Variants in CDH18 observed in about 807,000 individuals in gnomAD.
The protein encoded by CDH18 is cadherin 18, also known as cadherin-18.
Under a neutral mutation model 67.9 loss-of-function variants are expected in CDH18, and 31 were observed. That is an observed-to-expected ratio of 0.46 (90% confidence interval 0.34 to 0.62). The LOEUF is 0.62. CDH18 is among the 20% of genes least tolerant of loss of function. The pLI is 0.01. For synonymous variants in CDH18, 362 were observed against 347.2 expected, an observed-to-expected ratio of 1.04 and a Z score of -0.48; for missense variants, 890 against 975.5, an observed-to-expected ratio of 0.91 and a Z score of 1.17.
chr5:19,560,356 A>C (rs1739235935), intron 8 of CDH18, among the ~76,000 whole-genome samples: 1 of 152,016 alleles, frequency 6.6e-6, no homozygotes, highest in Non-Finnish European at 1.5e-5. Context: ...CCAGAAATAA[A>C]GCCAAATACA....
At chr5:20,548,125 A>G (rs1207765265) in intron 1 of CDH18, among the ~76,000 whole-genome samples, 3 of 151,158 alleles carry the variant, frequency 2.0e-5, no homozygotes, top group Admixed American at 6.6e-5. Flanking sequence ...CCAACTAATG[A>G]TCTATATTAC....
chr5:20,283,891 T>C lies in CDH18; in HGVS notation c.-579-28386A>G, dbSNP rs182843793. On this transcript the variant is annotated intron_variant, in intron 1 of 14. Coordinates refer to the CDH18 transcript ENST00000507958. ...ATAAATCAAGAAAATGTGGTACATA[T>C]ACACAGTGGGGCACTATTTAGCCAT... Among the ~76,000 whole-genome samples the C allele has an allele frequency of 1.8e-4, 27 of 152,186 alleles. 1 individual carries two copies. The East Asian group carries it at 3.5e-3, about 20-fold the overall frequency.
chr5:20,367,698 T>C (rs1017840800), intron 1 of CDH18, among the ~76,000 whole-genome samples: 1 of 152,346 alleles, frequency 6.6e-6, no homozygotes, highest in African/African-American at 2.4e-5. Context: ...CAAGAACATG[T>C]GGTAAATTTT....
intron 3 of CDH18, among the ~76,000 whole-genome samples, chr5:19,756,659 C>T (rs1046571405): frequency 1.3e-5 from 2 of 152,194 alleles, no homozygotes; most frequent in African/African-American, 4.8e-5. Context: ...CCCTCCTTAG[C>T]TTGTTGGCTT....
intron 5 of CDH18, among the ~76,000 whole-genome samples, chr5:19,643,377 T>C (rs1754305032): frequency 6.6e-6 from 1 of 152,144 alleles, no homozygotes; most frequent in Admixed American, 6.6e-5. Flanking sequence ...AAGATAACTA[T>C]AGTCCCATGT....
chr5:19,821,397 A>G (rs1581503770), intron 3 of CDH18, among the ~76,000 whole-genome samples: 2 of 151,542 alleles, frequency 1.3e-5, no homozygotes, highest in Admixed American at 1.3e-4. Context: ...TTAACCAAAA[A>G]ACAAAAAACA....
At chr5:19,959,922 T>C (rs562466906) in intron 2 of CDH18, among the ~76,000 whole-genome samples, 37 of 152,174 alleles carry the variant, frequency 2.4e-4, no homozygotes, top group African/African-American at 7.7e-4. Context: ...TATTTATGTA[T>C]CTGAACATTT....
At chr5:20,436,066 G>A (rs569883276) in intron 1 of CDH18, among the ~76,000 whole-genome samples, 2 of 151,918 alleles carry the variant, frequency 1.3e-5, no homozygotes, top group South Asian at 4.1e-4. Context: ...AACAATATTG[G>A]TTTATATTTA....
At chr5:19,660,836 G>A (rs1049936463) in intron 5 of CDH18, among the ~76,000 whole-genome samples, 6 of 151,928 alleles carry the variant, frequency 3.9e-5, no homozygotes, top group Non-Finnish European at 7.4e-5. Flanking sequence ...TGTGTGAGAG[G>A]CTAAGCAGAG....
intron 2 of CDH18, among the ~76,000 whole-genome samples, chr5:20,093,135 G>A (rs1045588373): frequency 4.9e-4 from 75 of 151,890 alleles, no homozygotes; most frequent in African/African-American, 1.5e-3. Flanking sequence ...AACTTGGGAC[G>A]GTGAGGTGGG....
At chr5:19,964,659 A>G (rs1797251070) in intron 2 of CDH18, among the ~76,000 whole-genome samples, 1 of 151,508 alleles carries the variant, frequency 6.6e-6, no homozygotes, top group Admixed American at 6.6e-5. Flanking sequence ...AAAAAAAAAA[A>G]AAGAAAAAAA....
chr5:19,596,721 G>A (rs962749467), intron 6 of CDH18, among the ~76,000 whole-genome samples: 1 of 152,140 alleles, frequency 6.6e-6, no homozygotes, highest in African/African-American at 2.4e-5. Flanking sequence ...CCTGGTACAG[G>A]CAGATTATGT....
intron 1 of CDH18, among the ~76,000 whole-genome samples, chr5:20,385,779 T>C (rs569341102): frequency 2.0e-5 from 3 of 152,340 alleles, no homozygotes; most frequent in African/African-American, 7.2e-5. Flanking sequence ...ATATAAACAT[T>C]GCACAAATAT....
chr5:20,182,155 G>T (rs1371563494), intron 2 of CDH18, among the ~76,000 whole-genome samples: 1 of 152,160 alleles, frequency 6.6e-6, no homozygotes, highest in Admixed American at 6.6e-5. Context: ...AGGGATAATA[G>T]CAAAACCAAG....
At chr5:20,014,959 T>C (rs1737758072) in intron 2 of CDH18, among the ~76,000 whole-genome samples, 1 of 152,090 alleles carries the variant, frequency 6.6e-6, no homozygotes, top group Admixed American at 6.6e-5. Context: ...CACATTCTTC[T>C]AGAAGAGAGG....
intron 3 of CDH18, among the ~76,000 whole-genome samples, chr5:19,752,263 G>C (rs1007913898): frequency 1.3e-5 from 2 of 152,066 alleles, no homozygotes; most frequent in Non-Finnish European, 2.9e-5. Flanking sequence ...TTTGCAACTG[G>C]GAAGCGGGTT....
intron 1 of CDH18, among the ~76,000 whole-genome samples, chr5:20,325,039 T>C (rs1305355166): frequency 6.6e-6 from 1 of 152,206 alleles, no homozygotes. Context: ...TTGCTTTATC[T>C]ATCATTTGGG....
chr5:19,799,499 G>T (rs1581402025), intron 3 of CDH18, among the ~76,000 whole-genome samples: 1 of 151,678 alleles, frequency 6.6e-6, no homozygotes, highest in African/African-American at 2.4e-5. Flanking sequence ...AATTTTGAGG[G>T]TGATGAATGT....
chr5:19,655,726 G>T (rs1168616572), intron 5 of CDH18, among the ~76,000 whole-genome samples: 1 of 151,928 alleles, frequency 6.6e-6, no homozygotes, highest in Admixed American at 6.6e-5. Flanking sequence ...CTTTCAAACT[G>T]CAGGGAAAAG....
Sources: gnomAD v4.1 joint callset for allele counts (sites outside exome capture counted in the v4.1 genomes callset) on GRCh38, gnomAD v4.1.1 for gene constraint, MANE v1.5 for transcripts, NCBI Gene and HGNC (gene_info 2026-07-23, HGNC 2026-07-21) for gene names.